Variants in TCF12 observed in about 807,000 individuals in gnomAD.
The protein encoded by TCF12 is transcription factor 12.
TCF12 carries 45 observed loss-of-function variants against 86.0 expected under a neutral mutation model. The observed-to-expected ratio is 0.52, with a 90% CI of 0.41 to 0.67. TCF12 has a LOEUF of 0.67. Ranked by LOEUF, TCF12 falls within the 30% of genes least tolerant of loss-of-function variation. The probability of loss-of-function intolerance (pLI) is 0.00; values close to 1 mark genes in which losing one functional copy is unlikely to be tolerated. For missense variants in TCF12, 881 were observed against 859.9 expected, an observed-to-expected ratio of 1.02 and a Z score of -0.31; for synonymous variants, 330 against 299.6, an observed-to-expected ratio of 1.10 and a Z score of -1.05.
chr15:57,014,887 T>C (rs148513385), intron 3 of TCF12, among the ~76,000 whole-genome samples: 5,920 of 147,912 alleles, frequency 0.04, 352 homozygotes, highest in Admixed American at 0.17. Context: ...ATTATTATTA[T>C]TATTATTGTT....
At chr15:56,969,042 T>G (rs1423828141) in intron 3 of TCF12, among the ~76,000 whole-genome samples, 1 of 152,218 alleles carries the variant, frequency 6.6e-6, no homozygotes, top group South Asian at 2.1e-4. Flanking sequence ...AGCAGTTATA[T>G]GTATTTGTCT....
rs183539921 is a variant in TCF12, at chr15:57,130,389, G to A, written c.326-36013G>A. 2.9e-3 allele frequency among the ~76,000 whole-genome samples: 441 copies of A among 152,056 alleles called. 1 individual carries two copies. The highest frequency in any genetic ancestry group is 5.1e-3 in the Non-Finnish European group (344 of 67,956). On this transcript the variant is annotated intron_variant, in intron 5 of 20. Coordinates refer to ENST00000333725, the MANE Select transcript of TCF12 (RefSeq NM_207037.2). ...TAGAGAGGCAGCATCTGTAAATTACGTGCATACTGACTTTTGTTTTTGTTT... is the reference window on the plus strand; with the variant it reads ...TAGAGAGGCAGCATCTGTAAATTACATGCATACTGACTTTTGTTTTTGTTT...
intron 5 of TCF12, among the ~76,000 whole-genome samples, chr15:57,150,885 T>C (rs867479475): frequency 0.031 from 2,187 of 69,502 alleles, 113 homozygotes; most frequent in South Asian, 0.052. Context: ...CTTCCTTCCT[T>C]CCTTCCTTCC....
intron 18 of TCF12, among the ~76,000 whole-genome samples, chr15:57,266,217 A>G (rs2060864103): frequency 6.6e-6 from 1 of 152,040 alleles, no homozygotes; most frequent in Non-Finnish European, 1.5e-5. Flanking sequence ...AGCTGGGATT[A>G]CAGGCAGATG....
chr15:56,924,773 T>C (rs1196301753), intron 3 of TCF12, among the ~76,000 whole-genome samples: 1 of 152,118 alleles, frequency 6.6e-6, no homozygotes, highest in African/African-American at 2.4e-5. Context: ...AGTTGCTCAT[T>C]TAAGGTAAAA....
At chr15:57,219,654 C>T (rs897978918) in intron 8 of TCF12, 76 of 1,462,482 alleles carry the variant, frequency 5.2e-5, no homozygotes, top group Middle Eastern at 1.8e-4. Flanking sequence ...ATACATTACT[C>T]GCTTTTTACT....
intron 8 of TCF12, among the ~76,000 whole-genome samples, chr15:57,211,020 T>A (rs1367932139): frequency 6.6e-6 from 1 of 152,220 alleles, no homozygotes; most frequent in Non-Finnish European, 1.5e-5. Flanking sequence ...CGTGCTAAAA[T>A]TATAACAAAG....
intron 19 of TCF12, 100 bp from the exon 20 acceptor site, chr15:57,282,345 A>G (rs1692774674): frequency 2.2e-6 from 3 of 1,393,538 alleles, no homozygotes; most frequent in Non-Finnish European, 3.0e-6. Context: ...GGTACTTAGT[A>G]TGGGAATGAA....
intron 19 of TCF12, among the ~76,000 whole-genome samples, chr15:57,275,966 C>A (rs1191889951): frequency 2.0e-5 from 3 of 152,174 alleles, no homozygotes; most frequent in African/African-American, 7.2e-5. Flanking sequence ...TTAAGCTTTT[C>A]CATTATCATG....
rs577737686 is a variant in TCF12 at position 57,199,733 on chromosome 15, G to A, written c.579+1908G>A. Among the ~76,000 whole-genome samples, 96 of 152,138 alleles carry A rather than the reference G, an allele frequency of 6.3e-4. 1 individual carries two copies. The highest frequency in any genetic ancestry group is 1.1e-3 in the Non-Finnish European group (78 of 68,016). The stretch of plus-strand genomic sequence containing the variant: ...TCTTTGAGAACCATTAGGAAATTTT[G>A]CAGGCCAAGCCTACTTATATATTGT... On this transcript the variant is annotated intron_variant, in intron 8 of 20. Coordinates refer to ENST00000333725, the MANE Select transcript of TCF12 (RefSeq NM_207037.2).
chr15:56,942,051 A>C (rs1743705179), intron 3 of TCF12, among the ~76,000 whole-genome samples: 1 of 152,100 alleles, frequency 6.6e-6, no homozygotes, highest in Non-Finnish European at 1.5e-5. Flanking sequence ...TTTGTTTTTC[A>C]AACAGTAACT....
intron 3 of TCF12, among the ~76,000 whole-genome samples, chr15:57,047,869 T>C (rs1400662228): frequency 6.6e-6 from 1 of 152,218 alleles, no homozygotes; most frequent in Admixed American, 6.5e-5. Flanking sequence ...ATGGTATAGC[T>C]TACTACACAC....
intron 16 of TCF12, among the ~76,000 whole-genome samples, chr15:57,256,953 T>C (rs2060375383): frequency 6.6e-6 from 1 of 152,138 alleles, no homozygotes; most frequent in African/African-American, 2.4e-5. Flanking sequence ...TAGAAAAGGG[T>C]TTGATATGCT....
At chr15:57,100,123 C>T (rs538937902) in intron 5 of TCF12, among the ~76,000 whole-genome samples, 1 of 152,038 alleles carries the variant, frequency 6.6e-6, no homozygotes, top group African/African-American at 2.4e-5. Context: ...TTTGAATCTT[C>T]CCATTGTTTG....
intron 1 of TCF12, chr15:56,919,497 C>T (rs532975597): frequency 6.8e-5 from 11 of 161,778 alleles, no homozygotes; most frequent in African/African-American, 2.6e-4. Flanking sequence ...CTCGCCGCCG[C>T]TCCGCTCGCT....
At chr15:57,194,790 T>TGTG (rs1394329214) in intron 7 of TCF12, among the ~76,000 whole-genome samples, 4 of 152,220 alleles carry the variant, frequency 2.6e-5, no homozygotes, top group Non-Finnish European at 5.9e-5. Flanking sequence ...TACCCCCTTT[T>TGTG]TACATGGAGG....
chr15:56,920,434 C>T (rs1281539718), intron 2 of TCF12, among the ~76,000 whole-genome samples: 1 of 151,452 alleles, frequency 6.6e-6, no homozygotes, highest in East Asian at 2.0e-4. Context: ...TAGTCCAGAG[C>T]TAGAATTTCG....
intron 18 of TCF12, among the ~76,000 whole-genome samples, chr15:57,272,798 A>C (rs1020788380): frequency 9.2e-5 from 14 of 152,234 alleles, no homozygotes; most frequent in African/African-American, 2.9e-4. Flanking sequence ...ATAATGTGCA[A>C]TGAAAAATGC....
At chr15:56,971,334 A>G in intron 3 of TCF12, among the ~76,000 whole-genome samples, 1 of 152,050 alleles carries the variant, frequency 6.6e-6, no homozygotes, top group Non-Finnish European at 1.5e-5. Flanking sequence ...AGGCTGAGAT[A>G]GAGAATCGCT....
Sources: gnomAD v4.1 joint callset for allele counts (sites outside exome capture counted in the v4.1 genomes callset) on GRCh38, gnomAD v4.1.1 for gene constraint, MANE v1.5 for transcripts, NCBI Gene and HGNC (gene_info 2026-07-23, HGNC 2026-07-21) for gene names.